Variants in TMEM132C observed in about 807,000 individuals in gnomAD.
TMEM132C encodes the protein protein phosphatase 1, regulatory subunit 152.
TMEM132C carries 29 observed loss-of-function variants against 61.4 expected under a neutral mutation model. That is an observed-to-expected ratio of 0.47 (90% CI 0.35 to 0.64). The LOEUF is 0.64. Ranked by LOEUF, TMEM132C falls within the 30% of genes least tolerant of loss-of-function variation. TMEM132C has a pLI of 0.00. For missense variants in TMEM132C, 1,408 were observed against 1,476.9 expected, an observed-to-expected ratio of 0.95 and a Z score of 0.76; for synonymous variants, 656 against 633.1, an observed-to-expected ratio of 1.04 and a Z score of -0.54.
At chr12:128,580,829 G>A (rs1450083119) in intron 3 of TMEM132C, among the ~76,000 whole-genome samples, 1 of 152,062 alleles carries the variant, frequency 6.6e-6, no homozygotes, top group Non-Finnish European at 1.5e-5. Context: ...TTTTCACCAG[G>A]GCTTCTCAGC....
At chr12:128,564,363 G>A (rs1462135115) in intron 3 of TMEM132C, among the ~76,000 whole-genome samples, 4 of 152,184 alleles carry the variant, frequency 2.6e-5, no homozygotes, top group African/African-American at 9.7e-5. Context: ...CAGTCAGTGA[G>A]GAGAGGCTTC....
Position 128,643,857 on chromosome 12 carries a change from A to G in TMEM132C, c.1306-25560A>G, listed in dbSNP as rs1593131275. On this transcript the variant is annotated intron_variant, in intron 4 of 8. Coordinates refer to ENST00000435159, the MANE Select transcript of TMEM132C (RefSeq NM_001136103.3). ...GGTTCTTTTCAAATTTTCCAACATA[A>G]AGATTAAGTATGATGTTACAGTAAT... Among the ~76,000 whole-genome samples the G allele has an allele frequency of 3.3e-5, 5 of 152,194 alleles. No homozygotes were observed. In the South Asian group the frequency reaches 8.3e-4, roughly 25 times the overall value.
intron 5 of TMEM132C, among the ~76,000 whole-genome samples, chr12:128,673,741 C>T (rs1409359089): frequency 3.3e-5 from 5 of 152,360 alleles, no homozygotes; most frequent in South Asian, 2.1e-4. Flanking sequence ...AATCATACAG[C>T]GTTCCCTCCA....
chr12:128,566,526 G>A lies in TMEM132C; in HGVS notation c.1121+22423G>A, dbSNP rs920707836. Reference sequence around the variant, plus strand: ...TATTGATTGCAGCCACACCATAGAGGGAAAGATCCTGGCTGTTGGTATTTG... The same window carrying A: ...TATTGATTGCAGCCACACCATAGAGAGAAAGATCCTGGCTGTTGGTATTTG... On this transcript the variant is annotated intron_variant, in intron 3 of 8. Transcript: ENST00000435159. Among the ~76,000 whole-genome samples the A allele has an allele frequency of 3.9e-5, 6 of 152,172 alleles. 1 individual carries two copies. In the South Asian group the frequency reaches 8.3e-4, roughly 21 times the overall value.
intron 1 of TMEM132C, among the ~76,000 whole-genome samples, chr12:128,309,611 T>G (rs1351928362): frequency 6.6e-6 from 1 of 151,940 alleles, no homozygotes; most frequent in Non-Finnish European, 1.5e-5. Flanking sequence ...TTCTGGAAAT[T>G]CACATAAATG....
chr12:128,343,326 A>G (rs1873038515), intron 1 of TMEM132C, among the ~76,000 whole-genome samples: 1 of 151,590 alleles, frequency 6.6e-6, no homozygotes, highest in Admixed American at 6.6e-5. Flanking sequence ...CAGGAGGCTG[A>G]GGCAGGAGAA....
At chr12:128,308,304 A>G (rs1446710673) in intron 1 of TMEM132C, among the ~76,000 whole-genome samples, 2 of 151,966 alleles carry the variant, frequency 1.3e-5, no homozygotes, top group African/African-American at 2.4e-5. Flanking sequence ...TTTTAAAATT[A>G]TTATTATTTG....
chr12:128,429,841 G>A (rs1029214479), intron 2 of TMEM132C, among the ~76,000 whole-genome samples: 2 of 152,112 alleles, frequency 1.3e-5, no homozygotes, highest in African/African-American at 4.8e-5. Flanking sequence ...CCCAAAACAG[G>A]GTGCCCAGGC....
chr12:128,571,274 A>C (rs1332614522), intron 3 of TMEM132C, among the ~76,000 whole-genome samples: 1 of 152,212 alleles, frequency 6.6e-6, no homozygotes, highest in Non-Finnish European at 1.5e-5. Flanking sequence ...GAAAAGGTAC[A>C]TCTCACTATC....
At chr12:128,700,774 T>C (rs1954798164) in intron 8 of TMEM132C, among the ~76,000 whole-genome samples, 3 of 152,170 alleles carry the variant, frequency 2.0e-5, no homozygotes. Context: ...GTTGAGGCAT[T>C]AGAAGGACTT....
intron 2 of TMEM132C, among the ~76,000 whole-genome samples, chr12:128,490,863 C>A (rs1215636476): frequency 6.6e-6 from 1 of 152,156 alleles, no homozygotes; most frequent in Non-Finnish European, 1.5e-5. Context: ...TCATTAGTAG[C>A]ACTCTCCAGC....
chr12:128,607,438 G>A (rs981056462), intron 3 of TMEM132C, among the ~76,000 whole-genome samples: 2 of 152,168 alleles, frequency 1.3e-5, no homozygotes, highest in Admixed American at 1.3e-4. Flanking sequence ...AATTATTCTG[G>A]TTGCTGCATT....
At chr12:128,648,307 C>G (rs1251033282) in intron 4 of TMEM132C, among the ~76,000 whole-genome samples, 1 of 150,020 alleles carries the variant, frequency 6.7e-6, no homozygotes, top group African/African-American at 2.5e-5. Flanking sequence ...AGTCCATTAG[C>G]ATTGGAAGTG....
intron 3 of TMEM132C, among the ~76,000 whole-genome samples, chr12:128,548,063 G>T (rs1874024134): frequency 6.6e-6 from 1 of 152,166 alleles, no homozygotes; most frequent in African/African-American, 2.4e-5. Context: ...GCTGATCTGG[G>T]GAGCTGAGCT....
chr12:128,520,188 A>G (rs1035328190), intron 2 of TMEM132C, among the ~76,000 whole-genome samples: 3 of 152,222 alleles, frequency 2.0e-5, no homozygotes, highest in Non-Finnish European at 2.9e-5. Flanking sequence ...ATGTCATCTC[A>G]GAAGGCACCT....
At chr12:128,675,443 C>T (rs1167397774) in intron 5 of TMEM132C, among the ~76,000 whole-genome samples, 1 of 152,218 alleles carries the variant, frequency 6.6e-6, no homozygotes, top group African/African-American at 2.4e-5. Context: ...AGCTCTTGAC[C>T]ATTAGGCTAT....
At chr12:128,573,898 CAAA>C (rs10689177) in intron 3 of TMEM132C, among the ~76,000 whole-genome samples, 3 of 142,818 alleles carry the variant, frequency 2.1e-5, no homozygotes, top group Admixed American at 6.9e-5. Context: ...TTTTTGCAAT[CAAA>C]AAAAAAAAAA....
intron 1 of TMEM132C, among the ~76,000 whole-genome samples, chr12:128,268,376 G>A (rs1870388652): frequency 1.3e-5 from 2 of 152,334 alleles, no homozygotes; most frequent in Admixed American, 1.3e-4. Context: ...CGGGAAGGGC[G>A]GGGAGAGGCG....
chr12:128,586,886 C>T (rs908546836), intron 3 of TMEM132C, among the ~76,000 whole-genome samples: 1 of 152,214 alleles, frequency 6.6e-6, no homozygotes, highest in Non-Finnish European at 1.5e-5. Flanking sequence ...CCTTCCTGGG[C>T]AGCACCTGCT....
Sources: gnomAD v4.1 joint callset for allele counts (sites outside exome capture counted in the v4.1 genomes callset) on GRCh38, gnomAD v4.1.1 for gene constraint, MANE v1.5 for transcripts, NCBI Gene and HGNC (gene_info 2026-07-23, HGNC 2026-07-21) for gene names.